KHDRBS2: variants seen among roughly 807,000 people sequenced by gnomAD.
The protein encoded by KHDRBS2 is KH RNA binding domain containing, signal transduction associated 2.
Under a neutral mutation model 44.3 loss-of-function variants are expected in KHDRBS2, and 26 were observed. The ratio of observed to expected loss-of-function variants is 0.59; its 90% CI spans 0.43 to 0.81. The LOEUF (loss-of-function observed/expected upper bound fraction) is 0.81. Ranked by LOEUF, KHDRBS2 falls within the 40% of genes least tolerant of loss-of-function variation. KHDRBS2 has a pLI of 0.00. For synonymous variants in KHDRBS2, 194 were observed against 151.1 expected (o/e 1.28, Z -2.08); for missense variants, 476 against 433.1 (o/e 1.10, Z -0.88).
chr6:61,607,520 C>CAAAAAAAAAAAAAA, the KHDRBS2 span, among the ~76,000 whole-genome samples: 257 of 41,088 alleles, frequency 6.3e-3, 68 homozygotes, highest in East Asian at 0.03. Context: ...GAGTTCCAAG[C>CAAAAAAAAAAAAAA]AAAAAAAAAA....
At chr6:62,199,164 T>C (rs1236886914) in intron 1 of KHDRBS2, among the ~76,000 whole-genome samples, 2 of 152,170 alleles carry the variant, frequency 1.3e-5, no homozygotes, top group African/African-American at 4.8e-5. Context: ...AGCATTCCCT[T>C]TGAAAACTGG....
chr6:62,017,809 C>A (rs147105340), intron 3 of KHDRBS2, among the ~76,000 whole-genome samples: 75 of 152,114 alleles, frequency 4.9e-4, no homozygotes, highest in African/African-American at 1.8e-3. Context: ...GGCAAAATAG[C>A]ACACACATCC....
At chr6:61,792,301 A>T (rs1168670516) in intron 6 of KHDRBS2, among the ~76,000 whole-genome samples, 1 of 151,386 alleles carries the variant, frequency 6.6e-6, no homozygotes, top group Non-Finnish European at 1.5e-5. Flanking sequence ...ATTAGTTTCT[A>T]TATTAAATAT....
intron 4 of KHDRBS2, among the ~76,000 whole-genome samples, chr6:61,956,540 T>A: frequency 6.6e-6 from 1 of 152,148 alleles, no homozygotes; most frequent in Non-Finnish European, 1.5e-5. Context: ...AGAGCCACAG[T>A]GAGCACTCAG....
chr6:61,880,098 G>T (rs1199820680), intron 6 of KHDRBS2, among the ~76,000 whole-genome samples: 1 of 151,822 alleles, frequency 6.6e-6, no homozygotes, highest in African/African-American at 2.4e-5. Flanking sequence ...TCTAAATTGG[G>T]ATTGTTTGAT....
At chr6:62,130,591 T>G (rs993912457) in intron 2 of KHDRBS2, among the ~76,000 whole-genome samples, 1 of 151,986 alleles carries the variant, frequency 6.6e-6, no homozygotes, top group Non-Finnish European at 1.5e-5. Flanking sequence ...TATTGATGAT[T>G]TATATGTTAA....
At chr6:62,278,903 G>T (rs1841388846) in intron 1 of KHDRBS2, among the ~76,000 whole-genome samples, 1 of 151,894 alleles carries the variant, frequency 6.6e-6, no homozygotes, top group Admixed American at 6.6e-5. Flanking sequence ...GACCATCCTG[G>T]TTAACACGGT....
chr6:62,153,913 A>G (rs208989), intron 2 of KHDRBS2, among the ~76,000 whole-genome samples: 26,095 of 152,154 alleles, frequency 0.17, 2,562 homozygotes, highest in African/African-American at 0.27. Context: ...AGCATCCACT[A>G]TGTTATCCAC....
chr6:62,004,231 A>G (rs1480708809), intron 3 of KHDRBS2, among the ~76,000 whole-genome samples: 1 of 152,132 alleles, frequency 6.6e-6, no homozygotes, highest in Non-Finnish European at 1.5e-5. Flanking sequence ...TCTTTTTTGA[A>G]AAGATCAGCA....
At chr6:61,707,379 TC>T (rs1437262488) in intron 7 of KHDRBS2, among the ~76,000 whole-genome samples, 1 of 151,744 alleles carries the variant, frequency 6.6e-6, no homozygotes, top group African/African-American at 2.4e-5. Context: ...TCCTAAGCCT[TC>T]ATTGACCACA....
At chr6:62,047,554 G>A (rs1184185191) in intron 3 of KHDRBS2, among the ~76,000 whole-genome samples, 2 of 151,866 alleles carry the variant, frequency 1.3e-5, no homozygotes, top group Middle Eastern at 3.4e-3. Context: ...AGGAACCAGC[G>A]AGGGAATTAA....
At chr6:62,234,082 C>A (rs553216683) in intron 1 of KHDRBS2, among the ~76,000 whole-genome samples, 1 of 151,658 alleles carries the variant, frequency 6.6e-6, no homozygotes, top group Admixed American at 6.6e-5. Flanking sequence ...GTTCAGAAAA[C>A]TAAATTCCAG....
At chr6:61,659,683 C>T in the KHDRBS2 span, among the ~76,000 whole-genome samples, 2 of 151,662 alleles carry the variant, frequency 1.3e-5, no homozygotes, top group African/African-American at 4.8e-5. Context: ...ATAGTTACAA[C>T]ATCTAGGAAG....
chr6:61,900,286 G>A (rs1803736992), intron 5 of KHDRBS2, among the ~76,000 whole-genome samples: 1 of 152,024 alleles, frequency 6.6e-6, no homozygotes. Context: ...AGTGGTGGTT[G>A]AAAGTATTTG....
chr6:61,911,189 C>T (rs937737491), intron 4 of KHDRBS2, among the ~76,000 whole-genome samples: 5 of 152,156 alleles, frequency 3.3e-5, no homozygotes, highest in African/African-American at 1.2e-4. Flanking sequence ...CTAGGCCTTC[C>T]TCTGGACGTG....
intron 1 of KHDRBS2, among the ~76,000 whole-genome samples, chr6:62,210,007 C>T (rs905413792): frequency 6.6e-6 from 1 of 152,110 alleles, no homozygotes; most frequent in Non-Finnish European, 1.5e-5. Flanking sequence ...GGTACTTCAT[C>T]TTGTGATTCT....
chr6:61,737,446 C>G (rs767981938), intron 6 of KHDRBS2, among the ~76,000 whole-genome samples: 1 of 151,938 alleles, frequency 6.6e-6, no homozygotes, highest in East Asian at 1.9e-4. Flanking sequence ...TGTATGTAAA[C>G]GTATAGTACT....
chr6:62,184,404 T>C (rs1375520759), intron 1 of KHDRBS2, among the ~76,000 whole-genome samples: 1 of 151,752 alleles, frequency 6.6e-6, no homozygotes, highest in Non-Finnish European at 1.5e-5. Flanking sequence ...AATATCTGCA[T>C]TATAACCCTG....
At chr6:62,111,256 C>T (rs547286458) in intron 2 of KHDRBS2, among the ~76,000 whole-genome samples, 1 of 152,078 alleles carries the variant, frequency 6.6e-6, no homozygotes, top group Admixed American at 6.6e-5. Context: ...CCCTTAGACA[C>T]AGATAACAAT....
Sources: allele counts gnomAD v4.1 joint callset (sites outside exome capture counted in the v4.1 genomes callset), GRCh38; gene constraint gnomAD v4.1.1; transcripts MANE v1.5; gene names NCBI Gene and HGNC (gene_info 2026-07-23, HGNC 2026-07-21).